Variants in SLC24A3 observed in about 807,000 individuals in gnomAD.
SLC24A3 encodes the protein sodium/potassium/calcium exchanger 3.
A neutral mutation model predicts 75.8 loss-of-function variants in SLC24A3; 28 were observed. That is an observed-to-expected ratio of 0.37 (90% confidence interval 0.27 to 0.51). The LOEUF (loss-of-function observed/expected upper bound fraction) is 0.51, where lower values mean the gene tolerates loss of function less well. Ranked by LOEUF, SLC24A3 falls within the 20% of genes least tolerant of loss-of-function variation. The pLI, the probability that SLC24A3 is intolerant of heterozygous loss-of-function variation, is 0.94. For missense variants in SLC24A3, 663 were observed against 847.8 expected (o/e 0.78, Z 2.71); for synonymous variants, 372 against 334.1 (o/e 1.11, Z -1.24).
chr20:19,311,472 C>A (rs138237622), intron 2 of SLC24A3, among the ~76,000 whole-genome samples: 3 of 152,076 alleles, frequency 2.0e-5, no homozygotes, highest in Non-Finnish European at 4.4e-5. Context: ...GGATCACATG[C>A]GGAAGGTAGT....
intron 6 of SLC24A3, among the ~76,000 whole-genome samples, chr20:19,650,053 TGTAA>T (rs1365399606): frequency 2.0e-5 from 3 of 152,194 alleles, no homozygotes; most frequent in Admixed American, 2.0e-4. Flanking sequence ...CAGATCTCAC[TGTAA>T]GTACCATAGA....
Position 19,562,927 on chromosome 20 carries a change from G to A in SLC24A3, c.349-17073G>A, listed in dbSNP as rs149150666. On this transcript the variant is annotated intron_variant, in intron 3 of 16. Coordinates refer to ENST00000328041, the MANE Select transcript of SLC24A3 (RefSeq NM_020689.4). ...GTATAGAGAGGCAGTTAAAGAAATG[G>A]TCCCAACCTGGGAATCTTACTATGG... Among the ~76,000 whole-genome samples the A allele has an allele frequency of 7.2e-5, 11 of 152,270 alleles. No homozygotes were observed. In the East Asian group the frequency reaches 1.7e-3, roughly 24 times the overall value.
intron 6 of SLC24A3, among the ~76,000 whole-genome samples, chr20:19,606,280 G>A (rs942829540): frequency 2.0e-5 from 3 of 152,196 alleles, no homozygotes; most frequent in Admixed American, 2.0e-4. Flanking sequence ...AGTGCTAGAG[G>A]CTTCCAATAT....
chr20:19,323,238 A>G (rs75045538), intron 2 of SLC24A3, among the ~76,000 whole-genome samples: 1 of 151,568 alleles, frequency 6.6e-6, no homozygotes, highest in South Asian at 2.1e-4. Context: ...AAGAAGAAAT[A>G]TAACCTTCTT....
chr20:19,582,778 A>C (rs1209055110), intron 4 of SLC24A3, among the ~76,000 whole-genome samples: 1 of 152,286 alleles, frequency 6.6e-6, no homozygotes, highest in Admixed American at 6.5e-5. Context: ...GAAGGGAGAG[A>C]GGCATTTCAG....
chr20:19,482,332 C>G (rs1167919402), intron 2 of SLC24A3, among the ~76,000 whole-genome samples: 1 of 152,148 alleles, frequency 6.6e-6, no homozygotes, highest in Non-Finnish European at 1.5e-5. Context: ...GTTGTCCTCC[C>G]TCCCCCAGGC....
intron 7 of SLC24A3, among the ~76,000 whole-genome samples, chr20:19,655,617 G>T (rs151064132): frequency 5.9e-5 from 9 of 152,300 alleles, no homozygotes; most frequent in African/African-American, 2.2e-4. Flanking sequence ...TCCCCACGGT[G>T]AATGAGCATG....
At chr20:19,528,208 G>T (rs1232280040) in intron 3 of SLC24A3, among the ~76,000 whole-genome samples, 2 of 152,176 alleles carry the variant, frequency 1.3e-5, no homozygotes, top group African/African-American at 2.4e-5. Context: ...GGGCCCCAAA[G>T]ATAACTTGTC....
chr20:19,312,434 C>A (rs1359314141), intron 2 of SLC24A3, among the ~76,000 whole-genome samples: 2 of 152,022 alleles, frequency 1.3e-5, no homozygotes, highest in East Asian at 3.8e-4. Flanking sequence ...GCATACATAT[C>A]CTAGAGAACC....
At chr20:19,622,242 A>G (rs2031813539) in intron 6 of SLC24A3, among the ~76,000 whole-genome samples, 1 of 152,228 alleles carries the variant, frequency 6.6e-6, no homozygotes, top group African/African-American at 2.4e-5. Context: ...TGTATGGAGA[A>G]GGAAGCAATG....
chr20:19,663,866 A>G (rs1318821845), intron 7 of SLC24A3, among the ~76,000 whole-genome samples: 2 of 152,148 alleles, frequency 1.3e-5, no homozygotes, highest in African/African-American at 4.8e-5. Flanking sequence ...ATCAGTAGCT[A>G]AAGTCCTATG....
chr20:19,213,110 G>C (rs1461421839), intron 1 of SLC24A3, 126 bp downstream of exon 1: 5 of 1,069,994 alleles, frequency 4.7e-6, no homozygotes, highest in Non-Finnish European at 4.7e-6. Context: ...TGGGTTGGCG[G>C]GGGGAGTGGG....
chr20:19,469,429 A>G (rs1478002442), intron 2 of SLC24A3, among the ~76,000 whole-genome samples: 2 of 152,180 alleles, frequency 1.3e-5, no homozygotes, highest in African/African-American at 2.4e-5. Context: ...TTGGAGAACA[A>G]CATGTTCCCA....
chr20:19,371,384 C>G (rs1568601915), intron 2 of SLC24A3, among the ~76,000 whole-genome samples: 2 of 152,020 alleles, frequency 1.3e-5, no homozygotes, highest in Admixed American at 6.5e-5. Context: ...TCTGCTCTGC[C>G]ACTGTTTAGG....
At chr20:19,472,949 G>A (rs1026659807) in intron 2 of SLC24A3, among the ~76,000 whole-genome samples, 2 of 152,232 alleles carry the variant, frequency 1.3e-5, no homozygotes, top group Non-Finnish European at 2.9e-5. Context: ...AAGGGAACAA[G>A]GGGTGTTTAG....
intron 1 of SLC24A3, among the ~76,000 whole-genome samples, chr20:19,279,118 G>A (rs1322949102): frequency 2.6e-5 from 4 of 152,214 alleles, no homozygotes; most frequent in East Asian, 3.9e-4. Flanking sequence ...ATTCAGTAAC[G>A]AAGGAGAAAT....
chr20:19,563,617 G>A (rs904624256), intron 3 of SLC24A3, among the ~76,000 whole-genome samples: 1 of 152,180 alleles, frequency 6.6e-6, no homozygotes, highest in African/African-American at 2.4e-5. Flanking sequence ...CTGGCGTCCT[G>A]TGTCTCAGGC....
chr20:19,516,942 T>C (rs1017110135), intron 3 of SLC24A3, among the ~76,000 whole-genome samples: 1 of 152,218 alleles, frequency 6.6e-6, no homozygotes, highest in East Asian at 1.9e-4. Flanking sequence ...GGGAGGACAC[T>C]TGACCTCTTA....
At chr20:19,467,478 C>T (rs80144195) in intron 2 of SLC24A3, among the ~76,000 whole-genome samples, 6,684 of 152,166 alleles carry the variant, frequency 0.044, 456 homozygotes, top group African/African-American at 0.15. Flanking sequence ...GGTAGATATG[C>T]CTAGAGTCTG....
Sources: allele counts gnomAD v4.1 joint callset (sites outside exome capture counted in the v4.1 genomes callset), GRCh38; gene constraint gnomAD v4.1.1; transcripts MANE v1.5; gene names NCBI Gene and HGNC (gene_info 2026-07-23, HGNC 2026-07-21).